The following NOSIP variants were observed in gnomAD, a reference collection of about 807,000 sequenced individuals.
The protein encoded by NOSIP is nitric oxide synthase-interacting protein.
A neutral mutation model predicts 36.4 loss-of-function variants in NOSIP; 25 were observed. That is an observed-to-expected ratio of 0.69 (90% CI 0.50 to 0.96). The LOEUF (loss-of-function observed/expected upper bound fraction) is 0.96, where lower values mean the gene tolerates loss of function less well. Among genes scored for constraint, NOSIP ranks in the 40% least tolerant of loss-of-function variants. The pLI is 0.00. For missense variants in NOSIP, 370 were observed against 429.0 expected, an observed-to-expected ratio of 0.86 and a Z score of 1.21; for synonymous variants, 187 against 179.2, an observed-to-expected ratio of 1.04 and a Z score of -0.35.
At chr19:49,561,603 C>T (rs1182190269) in intron 1 of NOSIP, among the ~76,000 whole-genome samples, 1 of 152,062 alleles carries the variant, frequency 6.6e-6, no homozygotes, top group East Asian at 1.9e-4. Flanking sequence ...GGTTTCAGAC[C>T]AGGTGTAGTG....
intron 1 of NOSIP, chr19:49,579,063 A>G (rs1458835239): frequency 6.6e-6 from 1 of 152,234 alleles, no homozygotes; most frequent in Non-Finnish European, 1.5e-5. Context: ...GATTACACCA[A>G]GAAATAACCA....
intron 4 of NOSIP, 83 bp downstream of exon 4, chr19:49,558,814 A>G (rs1335774997): frequency 9.1e-7 from 1 of 1,098,772 alleles, no homozygotes; most frequent in Admixed American, 1.7e-5. Flanking sequence ...AACTGAGATC[A>G]GAGGGCTCTG....
chr19:49,564,215 G>A (rs1161792430), intron 1 of NOSIP, among the ~76,000 whole-genome samples: 1 of 152,084 alleles, frequency 6.6e-6, no homozygotes, highest in East Asian at 1.9e-4. Flanking sequence ...GCACTTTGGA[G>A]GCTGAAGCGG....
chr19:49,556,763 C>T (rs1908279746), intron 6 of NOSIP, 27 bp from the exon 7 acceptor site: 1 of 1,584,926 alleles, frequency 6.3e-7, no homozygotes, highest in Non-Finnish European at 8.6e-7. Flanking sequence ...GAGGCGGGCT[C>T]AGTAGGCAGG....
chr19:49,557,249 C>A lies in NOSIP; in HGVS notation c.259G>T (p.Ala87Ser). ...CGGGTGCCCCGCTGCTTCTCGTAGG[C>A]CTGCGTCGGGGAAAGTGGGCTGAGC... ...QKKEIARQMKAYEKQRGTRRE... is the reference protein window; with the variant it reads ...QKKEIARQMKSYEKQRGTRRE... Residue 87 changes from alanine (A) to serine (S), a missense_variant and splice_region_variant, in exon 5 of 9, where the codon GCC becomes TCC. Around this residue, in one of 3 missense-constraint regions of NOSIP, gnomAD observed 315 missense variants for 331.9 expected, o/e 0.95. Transcript: ENST00000596358. 1 of 1,580,050 alleles carries A rather than the reference C, an allele frequency of 6.3e-7. No homozygotes were observed. The highest frequency in any genetic ancestry group is 8.6e-7 in the Non-Finnish European group (1 of 1,164,154).
intron 1 of NOSIP, among the ~76,000 whole-genome samples, chr19:49,570,496 C>T (rs1017753555): frequency 1.3e-5 from 2 of 152,120 alleles, no homozygotes; most frequent in Admixed American, 1.3e-4. Flanking sequence ...TGACCACGAC[C>T]CTATGGAGAT....
rs577286186 is a variant in NOSIP, at chr19:49,575,055, G to A, written c.-2+5460C>T. ...TTTTTTTGTATTTTTAGTAGAGAGG[G>A]GGTTTCACCACGTTAGCCAGGATGG... is the stretch of plus-strand genomic sequence containing the variant. On this transcript the variant is annotated intron_variant, in intron 1 of 8. Coordinates refer to ENST00000596358, the MANE Select transcript of NOSIP (RefSeq NM_001270960.2). 1.3e-3 allele frequency among the ~76,000 whole-genome samples: 196 copies of A among 152,172 alleles called. No homozygotes were observed. The Middle Eastern group carries it at 0.014, about 11-fold the overall frequency.
At chr19:49,564,193 C>T (rs1011942372) in intron 1 of NOSIP, among the ~76,000 whole-genome samples, 1 of 152,152 alleles carries the variant, frequency 6.6e-6, no homozygotes, top group Non-Finnish European at 1.5e-5. Context: ...GTGGCTTACA[C>T]CTGTAATCCC....
intron 1 of NOSIP, among the ~76,000 whole-genome samples, chr19:49,575,105 T>C (rs1372936120): frequency 1.3e-5 from 2 of 152,018 alleles, no homozygotes; most frequent in Admixed American, 6.6e-5. Context: ...CTTCGTGATC[T>C]GCCCACCTCG....
At position 49,560,560 on chromosome 19, in the gene NOSIP, G is replaced by T; in HGVS notation, c.70+62C>A. On this transcript the variant is annotated intron_variant, in intron 2 of 8. Transcript: ENST00000596358. This position sits in a 1 kb window ranked among gnomAD's most constrained non-coding sequence, Gnocchi z 4.6. The stretch of plus-strand genomic sequence containing the variant: ...ACAGAGGAAGCAAAACCTGGGGCAC[G>T]AGGGGAGAGGGTGACTCCAAGACAC... The T allele has an allele frequency of 7.5e-7, 1 of 1,338,490 alleles. No homozygotes were observed. The highest frequency in any genetic ancestry group is 1.0e-6 in the Non-Finnish European group (1 of 952,502). The allele number at this position is 1,338,490 out of a possible 1,614,324, so 82.9% of individuals were successfully genotyped here. A position where few individuals can be genotyped will look rare whatever the true frequency, so the allele number is the denominator to read the frequency against.
Position 49,568,806 on chromosome 19 carries a change from G to GT in NOSIP, c.-1-8115dup, listed in dbSNP as rs201030429. ...AAAAAAAAAAAAAAATAGTTTGTTT[G>GT]TTTGTTTTTTTTTTTGAGACAGAGT... On this transcript the variant is annotated intron_variant, in intron 1 of 8. Coordinates refer to ENST00000596358, the MANE Select transcript of NOSIP (RefSeq NM_001270960.2). Among the ~76,000 whole-genome samples the GT allele has an allele frequency of 8.6e-3, 979 of 114,110 alleles. 13 individuals carry two copies. The highest frequency in any genetic ancestry group is 0.012 in the Middle Eastern group (3 of 242). 74.9% of individuals were successfully genotyped at this position (114,110 alleles called of 152,430 possible).
In NOSIP at chr19:49,557,097, G is replaced by A; in HGVS notation, c.411C>T (p.Thr137=). 3 of 1,611,416 alleles carry A rather than the reference G, an allele frequency of 1.9e-6. No homozygotes were observed. The highest frequency in any genetic ancestry group is 2.2e-5 in the East Asian group (1 of 44,804). The change falls in exon 5 of 9, where the codon ACC becomes ACT. Residue 137 remains threonine (T), a synonymous_variant. Transcript: ENST00000596358. The stretch of plus-strand genomic sequence containing the variant: ...AAGCCCAACCTGAGTCACCTGGGCT[G>A]GTGCCCGAGAGGGCCTTGGCTGTGA... ...NPFTAKALSG[T]SPDDVQPGPS... is the part of the protein sequence containing the mutation.
chr19:49,573,271 T>C (rs1408461458), intron 1 of NOSIP, among the ~76,000 whole-genome samples: 1 of 152,102 alleles, frequency 6.6e-6, no homozygotes, highest in Non-Finnish European at 1.5e-5. Flanking sequence ...AGACAGCTAG[T>C]GTGTGTCTTG....
chr19:49,558,608 G>C (rs750826206), intron 4 of NOSIP: 103 of 363,278 alleles, frequency 2.8e-4, no homozygotes, highest in Middle Eastern at 7.8e-4. Flanking sequence ...GGGAAAACTC[G>C]AAGTCCATAA....
intron 1 of NOSIP, among the ~76,000 whole-genome samples, chr19:49,565,576 C>G (rs951392978): frequency 6.6e-6 from 1 of 151,690 alleles, no homozygotes; most frequent in South Asian, 2.1e-4. Flanking sequence ...TATTGAGACC[C>G]CATCTCTACA....
chr19:49,568,108 C>G (rs2080434643), intron 1 of NOSIP, among the ~76,000 whole-genome samples: 1 of 152,094 alleles, frequency 6.6e-6, no homozygotes, highest in African/African-American at 2.4e-5. Context: ...TGTCACAATC[C>G]TCGTAAACTT....
chr19:49,572,406 CTT>C (rs35209614), intron 1 of NOSIP, among the ~76,000 whole-genome samples: 37 of 97,928 alleles, frequency 3.8e-4, no homozygotes, highest in East Asian at 1.3e-3. Flanking sequence ...TGCACCCAGC[CTT>C]TTTTTTTTTT....
chr19:49,570,965 A>G (rs1205977168), intron 1 of NOSIP, among the ~76,000 whole-genome samples: 5 of 151,902 alleles, frequency 3.3e-5, no homozygotes, highest in African/African-American at 1.2e-4. Flanking sequence ...GGGAGCATTT[A>G]AACTTTTTTT....
In NOSIP at chr19:49,560,846, G is replaced by A. The variant is rs908584331; in HGVS notation, c.-1-154C>T. ...TGGAAGAGAGGGAGGGCATGTGGTC[G>A]CCAGGCCTCCTCCAGGAAGTCCTCC... On this transcript the variant is annotated intron_variant, in intron 1 of 8. Coordinates refer to ENST00000596358, the MANE Select transcript of NOSIP (RefSeq NM_001270960.2). The surrounding 1 kb of genome is among the most constrained non-coding windows in gnomAD (Gnocchi z 4.6). 3.3e-5 allele frequency among the ~76,000 whole-genome samples: 5 copies of A among 152,138 alleles called. No homozygotes were observed. Among genetic ancestry groups the A allele is most frequent in the South Asian group, 4.1e-4 (2 of 4,834 alleles).
Sources: allele counts gnomAD v4.1 joint callset (sites outside exome capture counted in the v4.1 genomes callset), GRCh38; gene constraint gnomAD v4.1.1; regional missense constraint gnomAD v4.1.1; non-coding constraint Gnocchi (gnomAD v3.1); transcripts MANE v1.5; gene names NCBI Gene and HGNC (gene_info 2026-07-23, HGNC 2026-07-21).